The following TAFA4 variants were observed in gnomAD, a reference collection of about 807,000 sequenced individuals.
The protein encoded by TAFA4 is chemokine-like protein TAFA-4.
In TAFA4, 20 loss-of-function variants were observed where a neutral mutation model predicts 21.1. The observed-to-expected ratio is 0.95, with a 90% confidence interval of 0.67 to 1.38. The LOEUF (loss-of-function observed/expected upper bound fraction) is 1.38. TAFA4 is among the 40% of genes most tolerant of loss of function. The pLI, the probability that TAFA4 is intolerant of heterozygous loss-of-function variation, is 0.00. For missense variants in TAFA4, 211 were observed against 180.9 expected (o/e 1.17, Z -0.95); for synonymous variants, 71 against 67.4 (o/e 1.05, Z -0.26).
At chr3:68,803,012 C>T (rs1703608843) in intron 3 of TAFA4, among the ~76,000 whole-genome samples, 2 of 152,282 alleles carry the variant, frequency 1.3e-5, no homozygotes, top group South Asian at 2.1e-4. Context: ...ACGGTTTGTT[C>T]TAGCTTTTTT....
intron 3 of TAFA4, among the ~76,000 whole-genome samples, chr3:68,837,046 G>C (rs1456093781): frequency 6.6e-6 from 1 of 152,228 alleles, no homozygotes; most frequent in Non-Finnish European, 1.5e-5. Flanking sequence ...AAGTGTGACT[G>C]GGACACAAGC....
intron 1 of TAFA4, among the ~76,000 whole-genome samples, chr3:68,888,262 CAT>C (rs969577906): frequency 2.0e-4 from 30 of 152,208 alleles, no homozygotes; most frequent in African/African-American, 7.2e-4. Context: ...GTTTCCAATA[CAT>C]GTTTCTCATT....
intron 5 of TAFA4, among the ~76,000 whole-genome samples, chr3:68,735,804 A>ATACTATTCTT (rs1559753081): frequency 6.6e-6 from 1 of 152,142 alleles, no homozygotes; most frequent in Non-Finnish European, 1.5e-5. Flanking sequence ...TGAAAAAAAT[A>ATACTATTCTT]TACTATTCTT....
intron 4 of TAFA4, among the ~76,000 whole-genome samples, chr3:68,743,442 G>T (rs1702395437): frequency 6.6e-6 from 1 of 151,910 alleles, no homozygotes; most frequent in African/African-American, 2.4e-5. Flanking sequence ...TGGGCATGGT[G>T]GTGTGCACCT....
rs559325014 is a variant in TAFA4, at chr3:68,872,991, T to G, written c.130+7739A>C. Among the ~76,000 whole-genome samples, 8 of 152,270 alleles carry G rather than the reference T, an allele frequency of 5.3e-5. No individual in the cohort carries two copies. The East Asian group carries it at 1.5e-3, about 29-fold the overall frequency. ...TGGTAAATATATTTACACCATTTAT[T>G]TGCTTAGCAAATCCCTTTTCATAGA... On this transcript the variant is annotated intron_variant, in intron 3 of 5. Transcript: ENST00000295569.
chr3:68,907,848 G>A (rs1240602479), intron 1 of TAFA4, among the ~76,000 whole-genome samples: 1 of 152,200 alleles, frequency 6.6e-6, no homozygotes, highest in East Asian at 1.9e-4. Flanking sequence ...TACAAGTTGT[G>A]CCAATCACAT....
At position 68,873,860 on chromosome 3, in the gene TAFA4, C is replaced by T. The variant is rs6809963; in HGVS notation, c.130+6870G>A. ...TGACTCCTTTATGCACAACCAAGTT[C>T]GGATTGCTGAAATCTCCCACACCCT... On this transcript the variant is annotated intron_variant, in intron 3 of 5. Coordinates refer to ENST00000295569, the MANE Select transcript of TAFA4 (RefSeq NM_182522.5). 9.3e-3 allele frequency among the ~76,000 whole-genome samples: 1,414 copies of T among 152,274 alleles called. 17 individuals carry two copies. The highest frequency in any genetic ancestry group is 0.032 in the African/African-American group (1,345 of 41,566).
chr3:68,772,616 T>C (rs914516908), intron 3 of TAFA4, among the ~76,000 whole-genome samples: 1 of 152,182 alleles, frequency 6.6e-6, no homozygotes, highest in African/African-American at 2.4e-5. Context: ...TTGGCTTCCC[T>C]GGTTCCAAGG....
chr3:68,847,904 T>G (rs1034362657), intron 3 of TAFA4, among the ~76,000 whole-genome samples: 1 of 152,232 alleles, frequency 6.6e-6, no homozygotes, highest in African/African-American at 2.4e-5. Flanking sequence ...AATAAATCCA[T>G]GCAGAATTCA....
At chr3:68,925,444 C>T (rs757554065) in intron 1 of TAFA4, among the ~76,000 whole-genome samples, 1 of 152,160 alleles carries the variant, frequency 6.6e-6, no homozygotes, top group African/African-American at 2.4e-5. Flanking sequence ...GAGAAGAATT[C>T]ACCCCAGTAA....
chr3:68,765,388 A>G (rs550641280), intron 3 of TAFA4, among the ~76,000 whole-genome samples: 16 of 152,308 alleles, frequency 1.1e-4, no homozygotes, highest in African/African-American at 3.8e-4. Context: ...TTTTAGCCCT[A>G]AGTAAAATAG....
chr3:68,886,590 G>A (rs1180343062), intron 1 of TAFA4, among the ~76,000 whole-genome samples: 1 of 151,956 alleles, frequency 6.6e-6, no homozygotes, highest in Non-Finnish European at 1.5e-5. Flanking sequence ...GAACCACTGG[G>A]TATTCTTTTT....
At chr3:68,812,027 C>G (rs1472478011) in intron 3 of TAFA4, among the ~76,000 whole-genome samples, 1 of 152,130 alleles carries the variant, frequency 6.6e-6, no homozygotes, top group African/African-American at 2.4e-5. Flanking sequence ...ATTCAACATT[C>G]TTAAAGAAAA....
intron 1 of TAFA4, among the ~76,000 whole-genome samples, chr3:68,926,578 CAG>C (rs1160248967): frequency 6.6e-6 from 1 of 152,078 alleles, no homozygotes; most frequent in Non-Finnish European, 1.5e-5. Context: ...GCCATTAGAG[CAG>C]AGTTTCTCAA....
chr3:68,743,473 G>A (rs544368928), intron 4 of TAFA4, among the ~76,000 whole-genome samples: 5 of 151,736 alleles, frequency 3.3e-5, no homozygotes, highest in Non-Finnish European at 7.4e-5. Flanking sequence ...CTACTCAGGA[G>A]GCTGAGGCAG....
chr3:68,794,365 T>C (rs1703418043), intron 3 of TAFA4, among the ~76,000 whole-genome samples: 1 of 152,196 alleles, frequency 6.6e-6, no homozygotes. Flanking sequence ...TAAATAAAGA[T>C]CATTGTATTT....
chr3:68,801,877 A>T (rs116306175), intron 3 of TAFA4, among the ~76,000 whole-genome samples: 2,211 of 152,292 alleles, frequency 0.015, 49 homozygotes, highest in African/African-American at 0.05. Context: ...GGTGGAAAAA[A>T]ATCCATTAAT....
At chr3:68,785,373 C>T (rs554996925) in intron 3 of TAFA4, among the ~76,000 whole-genome samples, 3 of 152,328 alleles carry the variant, frequency 2.0e-5, no homozygotes, top group Admixed American at 6.5e-5. Flanking sequence ...GCTGCGCTCT[C>T]GTCGGGGAGG....
At chr3:68,763,804 G>C (rs572776948) in intron 3 of TAFA4, among the ~76,000 whole-genome samples, 1 of 151,102 alleles carries the variant, frequency 6.6e-6, no homozygotes, top group East Asian at 1.9e-4. Context: ...TAAACACCAT[G>C]GAATAAATGC....
Sources: allele counts gnomAD v4.1 joint callset (sites outside exome capture counted in the v4.1 genomes callset), GRCh38; gene constraint gnomAD v4.1.1; transcripts MANE v1.5; gene names NCBI Gene and HGNC (gene_info 2026-07-23, HGNC 2026-07-21).